The following B3GALT1 variants were observed in gnomAD, a reference collection of about 807,000 sequenced individuals.
The protein encoded by B3GALT1 is beta-1,3-galactosyltransferase 1.
B3GALT1 carries 10 observed loss-of-function variants against 23.2 expected under a neutral mutation model. That is an observed-to-expected ratio of 0.43 (90% CI 0.27 to 0.73). B3GALT1 has a LOEUF of 0.73. Ranked by LOEUF, B3GALT1 falls within the 30% of genes least tolerant of loss-of-function variation. B3GALT1 has a pLI of 0.21. For missense variants in B3GALT1, 299 were observed against 405.4 expected, an observed-to-expected ratio of 0.74 and a Z score of 2.25; for synonymous variants, 156 against 141.5, an observed-to-expected ratio of 1.10 and a Z score of -0.73.
intron 4 of B3GALT1, among the ~76,000 whole-genome samples, chr2:167,825,776 T>A (rs1211758342): frequency 8.6e-5 from 13 of 152,004 alleles, no homozygotes; most frequent in Admixed American, 8.5e-4. Flanking sequence ...GGGCAGGGAG[T>A]CTGTGCCACA....
intron 2 of B3GALT1, among the ~76,000 whole-genome samples, chr2:167,637,271 C>T (rs1270656168): frequency 6.6e-6 from 1 of 151,976 alleles, no homozygotes; most frequent in Non-Finnish European, 1.5e-5. Flanking sequence ...GAGACTAAAA[C>T]ATCATGGGGA....
chr2:167,659,863 T>C (rs1274610692), intron 3 of B3GALT1, among the ~76,000 whole-genome samples: 1 of 152,044 alleles, frequency 6.6e-6, no homozygotes, highest in Non-Finnish European at 1.5e-5. Flanking sequence ...ATTTTACTCC[T>C]ACCCTAGAAC....
At chr2:167,666,515 C>A (rs566130364) in intron 3 of B3GALT1, among the ~76,000 whole-genome samples, 123 of 151,340 alleles carry the variant, frequency 8.1e-4, no homozygotes, top group Non-Finnish European at 1.5e-3. Flanking sequence ...TGTTGACTTT[C>A]TGTCTTGTTG....
At chr2:167,762,911 A>G (rs1472233284) in intron 3 of B3GALT1, among the ~76,000 whole-genome samples, 1 of 152,238 alleles carries the variant, frequency 6.6e-6, no homozygotes, top group Non-Finnish European at 1.5e-5. Flanking sequence ...TGCTTGCTTT[A>G]GAGCACAAAA....
At chr2:167,533,088 T>G (rs989271327) in intron 2 of B3GALT1, among the ~76,000 whole-genome samples, 5 of 151,258 alleles carry the variant, frequency 3.3e-5, no homozygotes, top group Non-Finnish European at 7.4e-5. Context: ...CTCGAACACT[T>G]GACATCAGGT....
chr2:167,851,389 G>A (rs1160377006), intron 4 of B3GALT1, among the ~76,000 whole-genome samples: 1 of 152,120 alleles, frequency 6.6e-6, no homozygotes, highest in Non-Finnish European at 1.5e-5. Flanking sequence ...AATTCCAAAA[G>A]GGAAGTCACA....
At chr2:167,697,013 A>T (rs534037272) in intron 3 of B3GALT1, among the ~76,000 whole-genome samples, 2 of 152,302 alleles carry the variant, frequency 1.3e-5, no homozygotes, top group East Asian at 3.9e-4. Context: ...GTAAGAGTTT[A>T]ATAATCTTGA....
At chr2:167,741,263 T>A (rs1473998481) in intron 3 of B3GALT1, among the ~76,000 whole-genome samples, 1 of 152,214 alleles carries the variant, frequency 6.6e-6, no homozygotes, top group Non-Finnish European at 1.5e-5. Context: ...ATATCCACTT[T>A]ATTGTAAATA....
chr2:167,294,909 TTTGA>T (rs1696323991), intron 1 of B3GALT1, among the ~76,000 whole-genome samples: 1 of 152,178 alleles, frequency 6.6e-6, no homozygotes, highest in Non-Finnish European at 1.5e-5. Context: ...CAGAAACCAC[TTTGA>T]TTGGGCTCAT....
chr2:167,441,716 A>C (rs1320206516), intron 1 of B3GALT1, among the ~76,000 whole-genome samples: 2 of 152,130 alleles, frequency 1.3e-5, no homozygotes, highest in Non-Finnish European at 2.9e-5. Flanking sequence ...TATTCCATTT[A>C]AATATCTGAT....
intron 2 of B3GALT1, among the ~76,000 whole-genome samples, chr2:167,633,791 C>T (rs1685501860): frequency 6.6e-6 from 1 of 152,068 alleles, no homozygotes; most frequent in Admixed American, 6.6e-5. Context: ...AACGACAAGA[C>T]AGAAAATTAA....
At chr2:167,527,412 C>T (rs1433690130) in intron 2 of B3GALT1, among the ~76,000 whole-genome samples, 1 of 151,702 alleles carries the variant, frequency 6.6e-6, no homozygotes, top group Non-Finnish European at 1.5e-5. Flanking sequence ...ATCTTTGATA[C>T]AAATAAGTTT....
intron 3 of B3GALT1, among the ~76,000 whole-genome samples, chr2:167,740,098 CTAAATAAATAAATAAATAAA>C (rs57363909): frequency 2.1e-5 from 3 of 142,918 alleles, no homozygotes; most frequent in Non-Finnish European, 3.0e-5. Context: ...GACTCTGTCT[CTAAATAAATAAATAAATAAA>C]TAAATAAATA....
chr2:167,397,576 G>A (rs529493458), intron 1 of B3GALT1, among the ~76,000 whole-genome samples: 133 of 152,192 alleles, frequency 8.7e-4, no homozygotes, highest in African/African-American at 3.1e-3. Flanking sequence ...GGGAATGGAA[G>A]AGAATTAAGG....
At chr2:167,458,458 T>G (rs748150112) in intron 1 of B3GALT1, among the ~76,000 whole-genome samples, 1 of 152,250 alleles carries the variant, frequency 6.6e-6, no homozygotes, top group Non-Finnish European at 1.5e-5. Context: ...TTTTCAATTC[T>G]TTGGGGTACA....
intron 2 of B3GALT1, among the ~76,000 whole-genome samples, chr2:167,600,700 T>C (rs1158210028): frequency 1.3e-5 from 2 of 152,234 alleles, no homozygotes; most frequent in African/African-American, 2.4e-5. Context: ...ATCCAGGTTG[T>C]GACATGTGTC....
chr2:167,862,887 G>A (rs1435133028), intron 4 of B3GALT1: 2 of 152,294 alleles, frequency 1.3e-5, no homozygotes, highest in East Asian at 3.9e-4. Flanking sequence ...GAAGAGTTCT[G>A]TGAATGAGGT....
chr2:167,318,777 A>G (rs1696758581), intron 1 of B3GALT1, among the ~76,000 whole-genome samples: 1 of 152,012 alleles, frequency 6.6e-6, no homozygotes, highest in Admixed American at 6.6e-5. Flanking sequence ...CCTCCCTGGG[A>G]GAAATGTTCA....
intron 3 of B3GALT1, chr2:167,714,467 G>A: frequency 1.3e-6 from 2 of 1,597,748 alleles, no homozygotes; most frequent in South Asian, 2.2e-5. Context: ...AGAGAGAAAA[G>A]CTCTCGTTTC....
Sources: gnomAD v4.1 joint callset for allele counts (sites outside exome capture counted in the v4.1 genomes callset) on GRCh38, gnomAD v4.1.1 for gene constraint, MANE v1.5 for transcripts, NCBI Gene and HGNC (gene_info 2026-07-23, HGNC 2026-07-21) for gene names.